Variants in BLTP3B observed in about 807,000 individuals in gnomAD.
The protein encoded by BLTP3B is UHRF1 (ICBP90) binding protein 1-like.
the BLTP3B span, among the ~76,000 whole-genome samples, chr12:100,136,649 C>G: frequency 6.6e-6 from 1 of 152,164 alleles, no homozygotes. Flanking sequence ...AAAATAATGT[C>G]TGGCAGACTA....
the BLTP3B span, among the ~76,000 whole-genome samples, chr12:100,038,555 C>T: frequency 3.3e-5 from 5 of 152,224 alleles, no homozygotes; most frequent in Middle Eastern, 3.4e-3. Flanking sequence ...AAGCTGGTCT[C>T]GAACTCGCGA....
chr12:100,070,575 CAAACT>C, the BLTP3B span, among the ~76,000 whole-genome samples: 1 of 152,066 alleles, frequency 6.6e-6, no homozygotes, highest in Non-Finnish European at 1.5e-5. Context: ...AAGTTTAACC[CAAACT>C]AGGAATAAAG....
the BLTP3B span, chr12:100,058,475 C>T: frequency 2.5e-6 from 4 of 1,613,160 alleles, no homozygotes; most frequent in Non-Finnish European, 3.4e-6. Context: ...GGTCAACACT[C>T]ATAGATCTGT....
chr12:100,098,333 A>G, the BLTP3B span: 1 of 1,555,010 alleles, frequency 6.4e-7, no homozygotes, highest in Non-Finnish European at 8.7e-7. Flanking sequence ...CATTTAAAAA[A>G]GAAAGAAAAA....
the BLTP3B span, among the ~76,000 whole-genome samples, chr12:100,093,405 G>A: frequency 4.6e-5 from 7 of 152,074 alleles, no homozygotes; most frequent in Admixed American, 3.3e-4. Flanking sequence ...TTCACAAAGT[G>A]ATCTACTATA....
At chr12:100,048,173 G>A in the BLTP3B span, 1 of 1,593,016 alleles carries the variant, frequency 6.3e-7, no homozygotes, top group African/African-American at 1.4e-5. Context: ...GATTTGGAAT[G>A]AATTACAGCT....
At chr12:100,068,209 C>G in the BLTP3B span, among the ~76,000 whole-genome samples, 1 of 152,202 alleles carries the variant, frequency 6.6e-6, no homozygotes, top group Non-Finnish European at 1.5e-5. Flanking sequence ...TTACAGCTAA[C>G]TGATCTTCAA....
the BLTP3B span, chr12:100,083,019 G>T: frequency 6.2e-7 from 1 of 1,608,924 alleles, no homozygotes; most frequent in Non-Finnish European, 8.5e-7. Context: ...AACATACCTG[G>T]TATATATTGA....
the BLTP3B span, among the ~76,000 whole-genome samples, chr12:100,114,272 T>C: frequency 9.2e-5 from 14 of 152,218 alleles, no homozygotes; most frequent in African/African-American, 3.1e-4. Context: ...ACATGGCATC[T>C]AGGCTATTCG....
the BLTP3B span, chr12:100,059,863 C>T: frequency 6.2e-7 from 1 of 1,610,492 alleles, no homozygotes; most frequent in Non-Finnish European, 8.5e-7. Context: ...TAGCATTAAG[C>T]CATCAACTCG....
chr12:100,080,362 T>G, the BLTP3B span, among the ~76,000 whole-genome samples: 271 of 152,064 alleles, frequency 1.8e-3, no homozygotes, highest in African/African-American at 4.7e-3. Flanking sequence ...TTTTTTTTTT[T>G]TTTGTTTTGA....
At chr12:100,059,517 T>C in the BLTP3B span, 1 of 1,594,088 alleles carries the variant, frequency 6.3e-7, no homozygotes, top group Non-Finnish European at 8.5e-7. Context: ...AGATTTCACT[T>C]CAGAAGGAAT....
At chr12:100,116,390 T>C in the BLTP3B span, among the ~76,000 whole-genome samples, 1 of 142,162 alleles carries the variant, frequency 7.0e-6, no homozygotes, top group Non-Finnish European at 1.5e-5. Context: ...GGAGGTGGAG[T>C]TGGTGCCTAG....
chr12:100,054,849 G>T, the BLTP3B span, among the ~76,000 whole-genome samples: 5 of 152,138 alleles, frequency 3.3e-5, no homozygotes, highest in South Asian at 1.0e-3. Context: ...CTACTTCCTG[G>T]CTAAAACTTT....
the BLTP3B span, among the ~76,000 whole-genome samples, chr12:100,114,799 G>A: frequency 6.6e-6 from 1 of 152,082 alleles, no homozygotes; most frequent in African/African-American, 2.4e-5. Flanking sequence ...CAACCATAAA[G>A]ATCCCTTCAA....
chr12:100,081,649 T>C, the BLTP3B span, among the ~76,000 whole-genome samples: 1 of 152,340 alleles, frequency 6.6e-6, no homozygotes, highest in African/African-American at 2.4e-5. Context: ...CTCCCACTTA[T>C]AAGTGAGAAT....
the BLTP3B span, among the ~76,000 whole-genome samples, chr12:100,107,170 T>G: frequency 6.7e-6 from 1 of 149,936 alleles, no homozygotes; most frequent in Non-Finnish European, 1.5e-5. Flanking sequence ...CGCCTATAAT[T>G]CCAGCTACTT....
chr12:100,055,570 G>C, the BLTP3B span, among the ~76,000 whole-genome samples: 1 of 151,338 alleles, frequency 6.6e-6, no homozygotes, highest in East Asian at 1.9e-4. Flanking sequence ...CCAGCTACTC[G>C]GGAGGCTGAG....
chr12:100,058,769 C>A, the BLTP3B span: 1 of 1,613,908 alleles, frequency 6.2e-7, no homozygotes, highest in East Asian at 2.2e-5. Flanking sequence ...TCTCTGAAAG[C>A]AGGATAAGTG....
Sources: gnomAD v4.1 joint callset for allele counts (sites outside exome capture counted in the v4.1 genomes callset) on GRCh38, gnomAD v4.1.1 for gene constraint, MANE v1.5 for transcripts, NCBI Gene and HGNC (gene_info 2026-07-23, HGNC 2026-07-21) for gene names.